FGF12: variants seen among roughly 807,000 people sequenced by gnomAD.
FGF12 encodes the protein fibroblast growth factor 12B.
FGF12 carries 14 observed loss-of-function variants against 23.6 expected under a neutral mutation model. The observed-to-expected ratio is 0.59, with a 90% CI of 0.39 to 0.93. The LOEUF is 0.93. Ranked by LOEUF, FGF12 falls within the 40% of genes least tolerant of loss-of-function variation. The pLI is 0.00. For missense variants in FGF12, 175 were observed against 217.8 expected, an observed-to-expected ratio of 0.80 and a Z score of 1.24; for synonymous variants, 62 against 77.3, an observed-to-expected ratio of 0.80 and a Z score of 1.04.
At chr3:192,513,426 T>G (rs1724555302) in intron 2 of FGF12, among the ~76,000 whole-genome samples, 1 of 152,190 alleles carries the variant, frequency 6.6e-6, no homozygotes, top group Non-Finnish European at 1.5e-5. Context: ...AAATCAGTTC[T>G]TTTTAGTAGT....
chr3:192,194,363 C>A (rs1490468116), intron 4 of FGF12, among the ~76,000 whole-genome samples: 2 of 152,116 alleles, frequency 1.3e-5, no homozygotes, highest in African/African-American at 4.8e-5. Flanking sequence ...TAACTAAAAT[C>A]ATTGAATCAG....
Position 192,397,999 on chromosome 3 carries a change from T to C in FGF12, c.14-37461A>G, listed in dbSNP as rs928367785. Among the ~76,000 whole-genome samples the C allele has an allele frequency of 6.0e-4, 92 of 152,198 alleles. 1 individual carries two copies. The highest frequency in any genetic ancestry group is 3.4e-4 in the Non-Finnish European group (23 of 68,032). On this transcript the variant is annotated intron_variant, in intron 2 of 5. Transcript: ENST00000445105. ...AGTCTATTTTATCTTTATAATAACT[T>C]ATACAACTTATCCGGGTTTATAGTT...
At chr3:192,164,934 C>G (rs1715078221) in intron 5 of FGF12, among the ~76,000 whole-genome samples, 1 of 151,986 alleles carries the variant, frequency 6.6e-6, no homozygotes, top group African/African-American at 2.4e-5. Context: ...AAAATATTAT[C>G]GAAAACTTTA....
intron 2 of FGF12, among the ~76,000 whole-genome samples, chr3:192,394,947 A>G (rs1392151097): frequency 6.6e-6 from 1 of 152,224 alleles, no homozygotes; most frequent in Non-Finnish European, 1.5e-5. Context: ...CACCAGAGAA[A>G]GTGAACCCAG....
At chr3:192,545,250 A>G (rs1725466957) in intron 2 of FGF12, among the ~76,000 whole-genome samples, 2 of 152,206 alleles carry the variant, frequency 1.3e-5, no homozygotes, top group Admixed American at 1.3e-4. Flanking sequence ...CTTGTGTATA[A>G]GCCTTAATTA....
chr3:192,359,628 T>C (rs1718628424), intron 3 of FGF12, among the ~76,000 whole-genome samples: 1 of 152,178 alleles, frequency 6.6e-6, no homozygotes, highest in African/African-American at 2.4e-5. Context: ...CTATCAATCT[T>C]GCCTCTGGAG....
At chr3:192,378,093 T>TCTTTCTTTCTTTCTTTCTTTC (rs1719643657) in intron 2 of FGF12, among the ~76,000 whole-genome samples, 2 of 122,156 alleles carry the variant, frequency 1.6e-5, no homozygotes, top group African/African-American at 3.4e-5. Flanking sequence ...TTTCTTTCTT[T>TCTTTCTTTCTTTCTTTCTTTC]CTTCTTTCTT....
intron 2 of FGF12, among the ~76,000 whole-genome samples, chr3:192,504,874 C>T (rs1216875442): frequency 1.3e-5 from 2 of 152,010 alleles, no homozygotes; most frequent in African/African-American, 4.8e-5. Context: ...ATCTAGTATT[C>T]CAGCAATCAA....
At chr3:192,458,402 G>A (rs1576994372) in intron 2 of FGF12, among the ~76,000 whole-genome samples, 1 of 152,144 alleles carries the variant, frequency 6.6e-6, no homozygotes, top group African/African-American at 2.4e-5. Context: ...AAAGTCACAG[G>A]GGCAGAGCTG....
At chr3:192,308,933 C>A (rs1160004950) in intron 4 of FGF12, among the ~76,000 whole-genome samples, 1 of 152,014 alleles carries the variant, frequency 6.6e-6, no homozygotes, top group East Asian at 1.9e-4. Flanking sequence ...CTTACTTTTC[C>A]TATGAGACAA....
At chr3:192,227,407 CTTT>C (rs1446031137) in intron 4 of FGF12, among the ~76,000 whole-genome samples, 2 of 151,950 alleles carry the variant, frequency 1.3e-5, no homozygotes, top group Admixed American at 1.3e-4. Context: ...CCAGTTCAAT[CTTT>C]TTCCAGAAGT....
intron 4 of FGF12, among the ~76,000 whole-genome samples, chr3:192,187,119 A>G (rs1015683716): frequency 6.6e-6 from 1 of 152,214 alleles, no homozygotes; most frequent in African/African-American, 2.4e-5. Context: ...TTCAACATGA[A>G]TAGAATCTGA....
chr3:192,345,686 CAAA>C (rs532522064), intron 3 of FGF12, among the ~76,000 whole-genome samples: 4 of 32,634 alleles, frequency 1.2e-4, no homozygotes, highest in Non-Finnish European at 9.0e-5. Context: ...GACTCCGTCT[CAAA>C]AAAAAAAAAA....
chr3:192,614,950 C>A (rs1425783003), intron 2 of FGF12, among the ~76,000 whole-genome samples: 2 of 151,906 alleles, frequency 1.3e-5, no homozygotes, highest in African/African-American at 4.8e-5. Flanking sequence ...CATTATATCA[C>A]TCTCTAAGAA....
At chr3:192,299,233 A>G (rs1269646531) in intron 4 of FGF12, among the ~76,000 whole-genome samples, 2 of 152,242 alleles carry the variant, frequency 1.3e-5, no homozygotes, top group Non-Finnish European at 2.9e-5. Flanking sequence ...GCCAAGAAGT[A>G]GAAATAGCTT....
intron 2 of FGF12, among the ~76,000 whole-genome samples, chr3:192,403,376 G>A (rs1240675590): frequency 6.6e-6 from 1 of 152,128 alleles, no homozygotes; most frequent in Admixed American, 6.5e-5. Flanking sequence ...ATCTCTGTGG[G>A]ATGAAAGAAA....
Position 192,408,450 on chromosome 3 carries a change from T to C in FGF12, c.14-47912A>G, listed in dbSNP as rs1020104292. On this transcript the variant is annotated intron_variant, in intron 2 of 5. Coordinates refer to ENST00000445105, the MANE Select transcript of FGF12 (RefSeq NM_004113.6). This position sits in a 1 kb window ranked among gnomAD's most constrained non-coding sequence, Gnocchi z 7.3. ...AATCCAGATGTAAACTTCCCCAACC[T>C]CTGGCGGCCGGGGGGCGGGGCGGGG... 4.4e-6 allele frequency: 6 copies of C among 1,363,504 alleles called. No homozygotes were observed. The highest frequency in any genetic ancestry group is 5.6e-6 in the Non-Finnish European group (6 of 1,063,590). 84.5% of individuals were successfully genotyped at this position (1,363,504 alleles called of 1,614,324 possible).
intron 2 of FGF12, among the ~76,000 whole-genome samples, chr3:192,414,964 T>C (rs1054316080): frequency 1.3e-5 from 2 of 152,150 alleles, no homozygotes; most frequent in African/African-American, 2.4e-5. Context: ...ATGTTTTCTT[T>C]GGTTCTAGGA....
chr3:192,384,124 A>C (rs943160902), intron 2 of FGF12, among the ~76,000 whole-genome samples: 15 of 152,248 alleles, frequency 9.9e-5, no homozygotes, highest in African/African-American at 3.4e-4. Context: ...AGTATCCATT[A>C]GATTTGGTAA....
Sources: allele counts gnomAD v4.1 joint callset (sites outside exome capture counted in the v4.1 genomes callset), GRCh38; gene constraint gnomAD v4.1.1; non-coding constraint Gnocchi (gnomAD v3.1); transcripts MANE v1.5; gene names NCBI Gene and HGNC (gene_info 2026-07-23, HGNC 2026-07-21).